The following CNTNAP5 variants were observed in gnomAD, a reference collection of about 807,000 sequenced individuals.
The protein encoded by CNTNAP5 is contactin associated protein family member 5, also known as contactin-associated protein-like 5.
In CNTNAP5, 72 loss-of-function variants were observed where a neutral mutation model predicts 150.2. That is an observed-to-expected ratio of 0.48 (90% CI 0.40 to 0.58). The LOEUF is 0.58. Among genes scored for constraint, CNTNAP5 ranks in the 20% least tolerant of loss-of-function variants. CNTNAP5 has a pLI of 0.00. For synonymous variants in CNTNAP5, 672 were observed against 619.8 expected, an observed-to-expected ratio of 1.08 and a Z score of -1.25; for missense variants, 1,636 against 1,626.2, an observed-to-expected ratio of 1.01 and a Z score of -0.10.
chr2:124,446,156 A>T (rs779292670), intron 5 of CNTNAP5, among the ~76,000 whole-genome samples: 1 of 152,144 alleles, frequency 6.6e-6, no homozygotes, highest in African/African-American at 2.4e-5. Context: ...TGAGGCATGC[A>T]TGTCTCACCT....
At chr2:124,276,665 C>A (rs1264173813) in intron 3 of CNTNAP5, among the ~76,000 whole-genome samples, 2 of 152,086 alleles carry the variant, frequency 1.3e-5, no homozygotes, top group Non-Finnish European at 2.9e-5. Flanking sequence ...AGGGCCTTTC[C>A]CCCACGATTC....
rs547530470 is a variant in CNTNAP5, at chr2:124,257,724, C to T, written c.381+15331C>T. ...TCTAGATTTGGTTATAATCCACCCC[C>T]CTCCGCCCCCACCCAACATGTTGCT... On this transcript the variant is annotated intron_variant, in intron 3 of 23. Coordinates refer to ENST00000682447, the MANE Select transcript of CNTNAP5 (RefSeq NM_001367498.1). Among the ~76,000 whole-genome samples, 126 of 152,052 alleles carry T rather than the reference C, an allele frequency of 8.3e-4. 1 individual carries two copies. The highest frequency in any genetic ancestry group is 3.0e-3 in the Admixed American group (45 of 15,248).
chr2:124,142,898 A>T (rs1684153905), intron 1 of CNTNAP5, among the ~76,000 whole-genome samples: 2 of 149,928 alleles, frequency 1.3e-5, no homozygotes, highest in Admixed American at 1.3e-4. Context: ...CGCTAGCAAG[A>T]CTAATAAAGC....
intron 8 of CNTNAP5, among the ~76,000 whole-genome samples, chr2:124,513,193 T>C (rs1336937844): frequency 6.6e-6 from 1 of 152,252 alleles, no homozygotes; most frequent in East Asian, 1.9e-4. Flanking sequence ...ATTGATTTCT[T>C]CTGAGGGCTT....
At chr2:124,779,745 C>A (rs1171918274) in intron 17 of CNTNAP5, among the ~76,000 whole-genome samples, 2 of 152,104 alleles carry the variant, frequency 1.3e-5, no homozygotes, top group African/African-American at 4.8e-5. Flanking sequence ...TAAAATGGAC[C>A]TGCCCCTACC....
At chr2:124,429,152 C>A (rs1692310066) in intron 4 of CNTNAP5, among the ~76,000 whole-genome samples, 1 of 152,172 alleles carries the variant, frequency 6.6e-6, no homozygotes, top group Non-Finnish European at 1.5e-5. Flanking sequence ...TTAACAGCAA[C>A]CTATAACCAT....
At chr2:124,875,240 A>G (rs1677829769) in intron 21 of CNTNAP5, among the ~76,000 whole-genome samples, 1 of 152,112 alleles carries the variant, frequency 6.6e-6, no homozygotes, top group Non-Finnish European at 1.5e-5. Flanking sequence ...AGGTTGAATT[A>G]TGGCTGCCAT....
At chr2:124,391,441 T>C (rs1277541992) in intron 3 of CNTNAP5, among the ~76,000 whole-genome samples, 1 of 152,228 alleles carries the variant, frequency 6.6e-6, no homozygotes, top group Non-Finnish European at 1.5e-5. Context: ...ACTTTTTACC[T>C]GATGTAACTC....
At chr2:124,820,414 T>C (rs1358381461) in intron 19 of CNTNAP5, among the ~76,000 whole-genome samples, 1 of 150,976 alleles carries the variant, frequency 6.6e-6, no homozygotes, top group Non-Finnish European at 1.5e-5. Context: ...AGGGACCTGC[T>C]CTCCCTCACC....
chr2:124,194,354 T>TC (rs1300925348), intron 1 of CNTNAP5, among the ~76,000 whole-genome samples: 1 of 122,258 alleles, frequency 8.2e-6, no homozygotes, highest in African/African-American at 3.1e-5. Flanking sequence ...ATAGCACAGG[T>TC]ATAAATTAGG....
chr2:124,798,345 G>A, intron 19 of CNTNAP5, 25 bp downstream of exon 19: 1 of 1,550,436 alleles, frequency 6.4e-7, no homozygotes, highest in Non-Finnish European at 8.9e-7. Flanking sequence ...ATGATACCCA[G>A]CGGAGTCTCA....
At chr2:124,627,555 C>G (rs1405219369) in intron 12 of CNTNAP5, among the ~76,000 whole-genome samples, 1 of 150,694 alleles carries the variant, frequency 6.6e-6, no homozygotes, top group African/African-American at 2.4e-5. Context: ...ACAAAAACCC[C>G]ATCCAAAGTT....
chr2:124,523,021 C>T (rs187744756), intron 8 of CNTNAP5, among the ~76,000 whole-genome samples: 4 of 152,262 alleles, frequency 2.6e-5, no homozygotes, highest in Non-Finnish European at 5.9e-5. Context: ...ACTCAAAAGA[C>T]GTTATTTTAA....
At chr2:124,039,455 C>T (rs369861936) in intron 1 of CNTNAP5, among the ~76,000 whole-genome samples, 37 of 152,160 alleles carry the variant, frequency 2.4e-4, no homozygotes, top group Non-Finnish European at 4.4e-4. Flanking sequence ...CTCCCTCCAC[C>T]GCTTCAAGCC....
chr2:124,586,913 C>T (rs769948946), intron 11 of CNTNAP5, among the ~76,000 whole-genome samples: 1 of 152,152 alleles, frequency 6.6e-6, no homozygotes, highest in Admixed American at 6.5e-5. Flanking sequence ...TGCATGAGCT[C>T]CTACCTCTGT....
intron 3 of CNTNAP5, among the ~76,000 whole-genome samples, chr2:124,335,200 T>A (rs920522923): frequency 6.6e-6 from 1 of 152,146 alleles, no homozygotes; most frequent in African/African-American, 2.4e-5. Flanking sequence ...GCACTTCTGG[T>A]ATTAGACTTT....
At chr2:124,732,195 G>C (rs1206905967) in intron 13 of CNTNAP5, among the ~76,000 whole-genome samples, 1 of 152,006 alleles carries the variant, frequency 6.6e-6, no homozygotes, top group Non-Finnish European at 1.5e-5. Context: ...TGTTGATAGA[G>C]ACTAGATAAT....
intron 2 of CNTNAP5, among the ~76,000 whole-genome samples, chr2:124,239,221 A>G (rs1686825292): frequency 6.6e-6 from 1 of 152,134 alleles, no homozygotes; most frequent in Non-Finnish European, 1.5e-5. Flanking sequence ...GGTTTGGTTT[A>G]GCTTTGATCA....
intron 1 of CNTNAP5, among the ~76,000 whole-genome samples, chr2:124,061,074 C>T (rs534415310): frequency 2.0e-5 from 3 of 152,122 alleles, no homozygotes; most frequent in South Asian, 2.1e-4. Flanking sequence ...AATCAAGTGC[C>T]GTCTCCATTA....
Sources: allele counts gnomAD v4.1 joint callset (sites outside exome capture counted in the v4.1 genomes callset), GRCh38; gene constraint gnomAD v4.1.1; transcripts MANE v1.5; gene names NCBI Gene and HGNC (gene_info 2026-07-23, HGNC 2026-07-21).